Variants in JCAD observed in about 807,000 individuals in gnomAD.
JCAD encodes junctional cadherin 5 associated.
Under a neutral mutation model 98.0 loss-of-function variants are expected in JCAD, and 40 were observed. That is an observed-to-expected ratio of 0.41 (90% CI 0.32 to 0.53). The LOEUF is 0.53. Among genes scored for constraint, JCAD ranks in the 20% least tolerant of loss-of-function variants. The pLI is 0.31. For synonymous variants in JCAD, 691 were observed against 682.3 expected (o/e 1.01, Z -0.20); for missense variants, 1,705 against 1,738.1 (o/e 0.98, Z 0.34).
Position 30,029,332 on chromosome 10 carries a change from C to T in JCAD, c.816G>A (p.Thr272=), listed in dbSNP as rs780260982. ...AGCAGCCACTCTTCTCAGAATTCCT[C>T]GTGGAGTCCAAATTTGGTGCGCAAG... ...PPTCAPNLDS[T]RNSEKSGCSA... The change falls in exon 3 of 4, where the codon ACG becomes ACA. Residue 272 remains threonine, a synonymous_variant. Transcript: ENST00000375377. The T allele has an allele frequency of 8.7e-6, 14 of 1,613,946 alleles. 1 individual carries two copies. Among genetic ancestry groups the T allele is most frequent in the Middle Eastern group, 1.6e-4 (1 of 6,082 alleles).
chr10:30,072,136 C>CAGGGA (rs976519799), intron 1 of JCAD, among the ~76,000 whole-genome samples: 3 of 141,870 alleles, frequency 2.1e-5, no homozygotes, highest in African/African-American at 8.0e-5. Flanking sequence ...CAGGGCAGGG[C>CAGGGA]AGGGAAGGGA....
At chr10:30,058,913 G>C (rs1837639672) in intron 1 of JCAD, among the ~76,000 whole-genome samples, 1 of 152,200 alleles carries the variant, frequency 6.6e-6, no homozygotes, top group Non-Finnish European at 1.5e-5. Context: ...GCAGAGACCG[G>C]AGCGGGAGCG....
At chr10:30,110,000 CT>C (rs1564476201) in intron 1 of JCAD, among the ~76,000 whole-genome samples, 1 of 151,888 alleles carries the variant, frequency 6.6e-6, no homozygotes, top group Non-Finnish European at 1.5e-5. Flanking sequence ...ATATGGACCC[CT>C]GATGTATGTA....
chr10:30,056,734 T>A (rs971932450), intron 1 of JCAD, among the ~76,000 whole-genome samples: 11 of 152,210 alleles, frequency 7.2e-5, no homozygotes, highest in African/African-American at 2.4e-4. Flanking sequence ...TATAGAAAGT[T>A]GTTGGGAAAG....
chr10:30,062,347 G>A (rs1025970763), upstream of JCAD, among the ~76,000 whole-genome samples: 1 of 152,104 alleles, frequency 6.6e-6, no homozygotes, highest in African/African-American at 2.4e-5. Context: ...CCTCAGTACT[G>A]ATGTATCCCT....
chr10:30,095,116 C>A (rs1391355394), intron 1 of JCAD, among the ~76,000 whole-genome samples: 1 of 152,130 alleles, frequency 6.6e-6, no homozygotes, highest in Admixed American at 6.5e-5. Context: ...CTTGGACGAA[C>A]TTTATGTTTA....
At chr10:30,092,663 C>T (rs1354662330) in intron 1 of JCAD, among the ~76,000 whole-genome samples, 1 of 152,278 alleles carries the variant, frequency 6.6e-6, no homozygotes, top group East Asian at 1.9e-4. Context: ...AGCACCCAGC[C>T]AGCACGTTGG....
intron 1 of JCAD, among the ~76,000 whole-genome samples, chr10:30,056,752 G>C (rs1181345159): frequency 6.6e-6 from 1 of 152,134 alleles, no homozygotes; most frequent in African/African-American, 2.4e-5. Flanking sequence ...AAGATATTTG[G>C]TTATAGATAA....
upstream of JCAD, among the ~76,000 whole-genome samples, chr10:30,063,453 G>A (rs935019046): frequency 6.6e-6 from 1 of 152,184 alleles, no homozygotes; most frequent in East Asian, 1.9e-4. Context: ...CTTACTGCCT[G>A]TTCAAGGACC....
In JCAD at chr10:30,026,962, A is replaced by T; in HGVS notation, c.3186T>A (p.Ser1062Arg). The T allele has an allele frequency of 6.2e-7, 1 of 1,614,126 alleles. No individual in the cohort carries two copies. The highest frequency in any genetic ancestry group is 1.3e-5 in the African/African-American group (1 of 75,038). Residue 1062 changes from serine to arginine, a missense_variant, in exon 3 of 4, where the codon AGT (serine) becomes AGA (arginine). Ser to Arg is a moderately radical substitution (Grantham distance 110, BLOSUM62 -1). This residue lies in a region of JCAD where 1,278 missense variants were observed against 1,243.1 expected (regional missense o/e 1.03). Transcript: ENST00000375377. Reference protein sequence around the residue: ...GLTPGQEQGASELEGSLGEAS... With the variant: ...GLTPGQEQGARELEGSLGEAS... The stretch of plus-strand genomic sequence containing the variant: ...CTTCACCCAAAGACCCCTCTAGCTC[A>T]CTGGCACCCTGTTCTTGCCCAGGGG...
intron 1 of JCAD, among the ~76,000 whole-genome samples, chr10:30,058,483 G>A (rs1837627100): frequency 6.6e-6 from 1 of 152,244 alleles, no homozygotes; most frequent in African/African-American, 2.4e-5. Flanking sequence ...TGCCCAGGTA[G>A]CGCTGGCCTA....
intron 2 of JCAD, among the ~76,000 whole-genome samples, chr10:30,039,721 G>A (rs1042587533): frequency 1.3e-5 from 2 of 152,120 alleles, no homozygotes; most frequent in Admixed American, 6.5e-5. Flanking sequence ...CACCAACAGG[G>A]AGCAGTGTTG....
intron 2 of JCAD, among the ~76,000 whole-genome samples, chr10:30,042,989 A>G (rs1275557471): frequency 1.3e-5 from 2 of 152,232 alleles, no homozygotes; most frequent in African/African-American, 4.8e-5. Context: ...ACACGTTAAC[A>G]TGTAGCTTCA....
chr10:30,042,339 A>C (rs7077512), intron 2 of JCAD, among the ~76,000 whole-genome samples: 15,188 of 151,406 alleles, frequency 0.1, 1,953 homozygotes, highest in African/African-American at 0.3. Flanking sequence ...CATCCAACCT[A>C]CCTCTCCCTT....
intron 3 of JCAD, among the ~76,000 whole-genome samples, chr10:30,024,735 G>A (rs1471377469): frequency 4.1e-5 from 5 of 121,936 alleles, no homozygotes; most frequent in African/African-American, 1.3e-4. Flanking sequence ...TTGCTCTGTC[G>A]CCCAGGCTGG....
chr10:30,082,851 CAA>C (rs57450219), intron 1 of JCAD, among the ~76,000 whole-genome samples: 24,660 of 68,034 alleles, frequency 0.36, 1,957 homozygotes, highest in Middle Eastern at 0.44. Flanking sequence ...AACTCTGTCT[CAA>C]AAAAAAAAAA....
intron 1 of JCAD, among the ~76,000 whole-genome samples, chr10:30,092,053 A>C (rs1589715307): frequency 1.1e-4 from 3 of 27,546 alleles, no homozygotes; most frequent in African/African-American, 2.8e-4. Context: ...AAAAAAAAAA[A>C]AAAAAAAAAA....
intron 1 of JCAD, among the ~76,000 whole-genome samples, chr10:30,110,587 C>T (rs770891692): frequency 5.3e-5 from 8 of 151,566 alleles, no homozygotes; most frequent in East Asian, 3.9e-4. Context: ...GACATATGGA[C>T]GCACTGATGT....
chr10:30,064,861 G>A (rs758733148), intron 2 of JCAD, among the ~76,000 whole-genome samples: 5 of 152,056 alleles, frequency 3.3e-5, no homozygotes, highest in Non-Finnish European at 7.4e-5. Flanking sequence ...TAGTAAAGAC[G>A]GGGTTTCACC....
Sources: gnomAD v4.1 joint callset for allele counts (sites outside exome capture counted in the v4.1 genomes callset) on GRCh38, gnomAD v4.1.1 for gene constraint, gnomAD v4.1.1 regional missense constraint, MANE v1.5 for transcripts, NCBI Gene and HGNC (gene_info 2026-07-23, HGNC 2026-07-21) for gene names.